NARS2: variants seen among roughly 807,000 people sequenced by gnomAD.
The protein encoded by NARS2 is asparaginyl-tRNA synthetase 2, mitochondrial, also known as asparaginyl-tRNA synthetase.
A neutral mutation model predicts 62.9 loss-of-function variants in NARS2; 60 were observed. That is an observed-to-expected ratio of 0.95 (90% CI 0.77 to 1.18). The LOEUF is 1.18. Among genes scored for constraint, NARS2 ranks in the 50% most tolerant of loss-of-function variants. The pLI, the probability that NARS2 is intolerant of heterozygous loss-of-function variation, is 0.00. For synonymous variants in NARS2, 196 were observed against 200.0 expected, an observed-to-expected ratio of 0.98 and a Z score of 0.17; for missense variants, 619 against 576.4, an observed-to-expected ratio of 1.07 and a Z score of -0.76.
chr11:78,514,858 G>A (rs1220403240), intron 6 of NARS2, among the ~76,000 whole-genome samples: 1 of 152,108 alleles, frequency 6.6e-6, no homozygotes, highest in African/African-American at 2.4e-5. Flanking sequence ...AACCTAACTA[G>A]CAATTAAAGA....
intron 10 of NARS2, 79 bp from the exon 11 acceptor site, chr11:78,466,092 T>C: frequency 6.9e-7 from 1 of 1,443,294 alleles, no homozygotes; most frequent in Non-Finnish European, 9.3e-7. Flanking sequence ...ATAACCTGCA[T>C]CAATTCTAAG....
intron 6 of NARS2, among the ~76,000 whole-genome samples, chr11:78,527,273 A>T (rs1202727925): frequency 6.6e-6 from 1 of 152,208 alleles, no homozygotes; most frequent in Non-Finnish European, 1.5e-5. Flanking sequence ...TCTGTAATAT[A>T]ATCAACTGAA....
At chr11:78,572,992 C>T (rs1031595295) in intron 1 of NARS2, 4 of 152,210 alleles carry the variant, frequency 2.6e-5, no homozygotes, top group African/African-American at 7.2e-5. Context: ...CTGAAATCCT[C>T]TAACCTGGGC....
chr11:78,566,413 A>T (rs1856746644), intron 3 of NARS2, 141 bp from the exon 4 acceptor site: 2 of 654,024 alleles, frequency 3.1e-6, no homozygotes, highest in East Asian at 6.1e-5. Flanking sequence ...AACTGATTTT[A>T]ATCCACATTA....
chr11:78,492,540 C>T (rs1859870205), intron 7 of NARS2, among the ~76,000 whole-genome samples: 1 of 152,202 alleles, frequency 6.6e-6, no homozygotes, highest in East Asian at 1.9e-4. Context: ...CTGACCATGA[C>T]CATCTCTCCA....
chr11:78,455,782 C>T (rs1424159492), intron 11 of NARS2, among the ~76,000 whole-genome samples: 1 of 151,926 alleles, frequency 6.6e-6, no homozygotes, highest in African/African-American at 2.4e-5. Context: ...AGCTTCAATA[C>T]CTGCTAGCGG....
chr11:78,455,899 T>C (rs947288282), intron 11 of NARS2, among the ~76,000 whole-genome samples: 12 of 151,578 alleles, frequency 7.9e-5, no homozygotes, highest in African/African-American at 1.5e-4. Context: ...AACATTATTG[T>C]TTTCTCTTTT....
intron 6 of NARS2, among the ~76,000 whole-genome samples, chr11:78,507,473 C>T (rs1377580712): frequency 6.6e-6 from 1 of 151,434 alleles, no homozygotes; most frequent in Non-Finnish European, 1.5e-5. Flanking sequence ...TTGATTTCCA[C>T]AGTTCTCACA....
In NARS2 at chr11:78,500,470, TTTTA is replaced by T. The variant is rs542869000; in HGVS notation, c.690-7279_690-7276del. Among the ~76,000 whole-genome samples, 8 of 152,316 alleles carry T rather than the reference TTTTA, an allele frequency of 5.3e-5. No homozygotes were observed. In the East Asian group the frequency reaches 5.8e-4, roughly 11 times the overall value. Reference sequence around the variant, plus strand: ...CGGGCTACAGTTTGCATTTGCTTGATTTTATTTATTTATTTTTTTTTGAGGCAGG... The same window carrying T: ...CGGGCTACAGTTTGCATTTGCTTGATTTTATTTATTTTTTTTTGAGGCAGG... On this transcript the variant is annotated intron_variant, in intron 6 of 13. Transcript: ENST00000281038.
At chr11:78,527,845 C>G (rs1324251872) in intron 6 of NARS2, among the ~76,000 whole-genome samples, 4 of 152,156 alleles carry the variant, frequency 2.6e-5, no homozygotes, top group Non-Finnish European at 4.4e-5. Flanking sequence ...CTCAGTGGCT[C>G]CTGCTTGTAA....
chr11:78,490,028 G>C (rs1174858691), intron 7 of NARS2, among the ~76,000 whole-genome samples: 1 of 152,098 alleles, frequency 6.6e-6, no homozygotes, highest in African/African-American at 2.4e-5. Context: ...GACAGAGTGA[G>C]ACCCTGCCTC....
chr11:78,508,576 T>G lies in NARS2; in HGVS notation c.690-15381A>C, dbSNP rs184861628. 2.1e-5 allele frequency among the ~76,000 whole-genome samples: 3 copies of G among 139,752 alleles called. No homozygotes were observed. The East Asian group carries it at 6.2e-4, about 29-fold the overall frequency. The allele number at this position is 139,752 out of a possible 152,430, so 91.7% of individuals were successfully genotyped here. A position where few individuals can be genotyped will look rare whatever the true frequency, so the allele number is the denominator to read the frequency against. On this transcript the variant is annotated intron_variant, in intron 6 of 13. Transcript: ENST00000281038. The stretch of plus-strand genomic sequence containing the variant: ...TGCACTCCAGCCAAGTGACAGAGGG[T>G]GACTCCATCTCAAAAAAAAAAAACA...
chr11:78,493,205 A>C lies in NARS2; in HGVS notation c.690-10T>G, dbSNP rs1414064455. The C allele has an allele frequency of 6.2e-7, 1 of 1,609,064 alleles. No homozygotes were observed. Among genetic ancestry groups the C allele is most frequent in the Admixed American group, 1.7e-5 (1 of 58,356 alleles). ...CACTTGAGTAAAAGCTCTGCAATTC[A>C]AGATTAAGAGAATGCAAATAGAATT... On this transcript the variant is annotated splice_polypyrimidine_tract_variant and intron_variant, in intron 6 of 13. Coordinates refer to ENST00000281038, the MANE Select transcript of NARS2 (RefSeq NM_024678.6).
chr11:78,540,514 A>C (rs1716960044), intron 5 of NARS2, among the ~76,000 whole-genome samples: 1 of 152,154 alleles, frequency 6.6e-6, no homozygotes. Flanking sequence ...TCACTGAAAC[A>C]CCCAATCTAT....
chr11:78,554,508 C>CGCGTGTGTGT (rs1555041422), intron 5 of NARS2, among the ~76,000 whole-genome samples: 1 of 146,914 alleles, frequency 6.8e-6, no homozygotes, highest in East Asian at 2.0e-4. Flanking sequence ...GGCGTGTGTG[C>CGCGTGTGTGT]GTGTGTGTGT....
intron 11 of NARS2, among the ~76,000 whole-genome samples, chr11:78,464,026 A>G (rs552164283): frequency 3.0e-4 from 45 of 152,236 alleles, no homozygotes; most frequent in Non-Finnish European, 5.4e-4. Flanking sequence ...TGAGTGTTAC[A>G]GTTCTTAAAG....
intron 6 of NARS2, among the ~76,000 whole-genome samples, chr11:78,513,945 C>A (rs983387108): frequency 6.6e-6 from 1 of 151,976 alleles, no homozygotes; most frequent in Non-Finnish European, 1.5e-5. Context: ...ATGTGACACA[C>A]CCCCCTACAC....
At chr11:78,555,948 A>G (rs2135506121) in intron 5 of NARS2, among the ~76,000 whole-genome samples, 1 of 152,174 alleles carries the variant, frequency 6.6e-6, no homozygotes, top group Middle Eastern at 3.4e-3. Context: ...CCCAAAGGTT[A>G]TTCAGGAGCA....
intron 6 of NARS2, among the ~76,000 whole-genome samples, chr11:78,526,321 A>G (rs1861291967): frequency 6.6e-6 from 1 of 152,196 alleles, no homozygotes; most frequent in South Asian, 2.1e-4. Context: ...CCACTAAAGC[A>G]ACAGAGATAT....
Sources: gnomAD v4.1 joint callset for allele counts (sites outside exome capture counted in the v4.1 genomes callset) on GRCh38, gnomAD v4.1.1 for gene constraint, MANE v1.5 for transcripts, NCBI Gene and HGNC (gene_info 2026-07-23, HGNC 2026-07-21) for gene names.